The following HMGN5 variants were observed in gnomAD, a reference collection of about 807,000 sequenced individuals.
HMGN5 encodes the protein high mobility group nucleosome binding domain 5.
Under a neutral mutation model 9.5 loss-of-function variants are expected in HMGN5, and 4 were observed. That is an observed-to-expected ratio of 0.42 (90% CI 0.21 to 0.96). The LOEUF (loss-of-function observed/expected upper bound fraction) is 0.96, where lower values mean the gene tolerates loss of function less well. Ranked by LOEUF, HMGN5 falls within the 40% of genes least tolerant of loss-of-function variation. The pLI, the probability that HMGN5 is intolerant of heterozygous loss-of-function variation, is 0.30. For missense variants in HMGN5, 192 were observed against 187.5 expected, an observed-to-expected ratio of 1.02 and a Z score of -0.14; for synonymous variants, 55 against 57.1, an observed-to-expected ratio of 0.96 and a Z score of 0.16.
chrX:81,179,475 C>T (rs1352279770), intron 1 of HMGN5, among the ~76,000 whole-genome samples: 1 of 111,166 alleles, frequency 9.0e-6, no homozygotes, highest in East Asian at 2.8e-4. Flanking sequence ...GAATAAAATA[C>T]CTAGGAATCC....
At chrX:81,196,614 G>A (rs912285625) in intron 1 of HMGN5, among the ~76,000 whole-genome samples, 9 of 109,713 alleles carry the variant, frequency 8.2e-5, no homozygotes, top group African/African-American at 3.0e-4. Flanking sequence ...GTTCAGTGGC[G>A]TGATCTCGGC....
At chrX:81,131,452 G>A (rs1265778975) in intron 1 of HMGN5, among the ~76,000 whole-genome samples, 1 of 111,085 alleles carries the variant, frequency 9.0e-6, no homozygotes, top group Non-Finnish European at 1.9e-5. Flanking sequence ...GATTGAAAAG[G>A]ACTTTATGAG....
intron 1 of HMGN5, among the ~76,000 whole-genome samples, chrX:81,133,801 A>G (rs918500392): frequency 9.1e-6 from 1 of 110,449 alleles, no homozygotes; most frequent in Non-Finnish European, 1.9e-5. Context: ...TCTTCAACAA[A>G]CCTCCATGAC....
At chrX:81,196,449 G>T (rs968260224) in intron 1 of HMGN5, among the ~76,000 whole-genome samples, 1 of 110,884 alleles carries the variant, frequency 9.0e-6, no homozygotes, top group Admixed American at 9.5e-5. Flanking sequence ...GAGACCAGGT[G>T]GGAGGTGACT....
At chrX:81,136,240 A>T (rs2075310872) in intron 1 of HMGN5, among the ~76,000 whole-genome samples, 1 of 112,290 alleles carries the variant, frequency 8.9e-6, no homozygotes, top group Non-Finnish European at 1.9e-5. Context: ...TGAGTGAATT[A>T]TATGGTATCT....
intron 1 of HMGN5, among the ~76,000 whole-genome samples, chrX:81,181,715 C>G (rs1188558139): frequency 9.0e-6 from 1 of 111,614 alleles, no homozygotes; most frequent in Non-Finnish European, 1.9e-5. Context: ...TCTTTCTGTG[C>G]CTGGCTTATT....
chrX:81,167,219 A>G (rs959423881), intron 1 of HMGN5, among the ~76,000 whole-genome samples: 14 of 111,031 alleles, frequency 1.3e-4, no homozygotes, highest in Non-Finnish European at 7.6e-5. Context: ...TTGAAAACTT[A>G]GGACAACCTA....
chrX:81,131,066 C>A (rs1003965473), intron 1 of HMGN5, among the ~76,000 whole-genome samples: 4 of 111,217 alleles, frequency 3.6e-5, no homozygotes, highest in Non-Finnish European at 7.6e-5. Context: ...AATTTTTACC[C>A]ATCCTCAAAA....
chrX:81,133,421 A>G (rs1177788307), intron 1 of HMGN5, among the ~76,000 whole-genome samples: 3 of 111,780 alleles, frequency 2.7e-5, no homozygotes, highest in African/African-American at 9.7e-5. Context: ...TGTTAATTGC[A>G]GCACTATTCA....
rs1388746521 is a variant in HMGN5, at chrX:81,121,612, G to A, written c.-63C>T. On this transcript the variant is annotated 5_prime_UTR_variant, in exon 2 of 7. Transcript: ENST00000358130. ...AAAAAGCCGAAGGCAGTCACTGCCTGACTGCTCCAAGAGCAAATGAGTTTT... is the reference window on the plus strand; with the variant it reads ...AAAAAGCCGAAGGCAGTCACTGCCTAACTGCTCCAAGAGCAAATGAGTTTT... 1 of 894,727 alleles carries A rather than the reference G, an allele frequency of 1.1e-6. No individual in the cohort carries two copies. Among genetic ancestry groups the A allele is most frequent in the Non-Finnish European group, 1.6e-6 (1 of 638,750 alleles). The allele number at this position is 894,727 out of a possible 1,213,427, so 73.7% of individuals were successfully genotyped here. A position where few individuals can be genotyped will look rare whatever the true frequency, so the allele number is the denominator to read the frequency against.
chrX:81,193,406 C>A (rs746924262), intron 1 of HMGN5, among the ~76,000 whole-genome samples: 1 of 112,487 alleles, frequency 8.9e-6, no homozygotes, highest in East Asian at 2.8e-4. Flanking sequence ...TTTTAGCCTG[C>A]AGCCATCAAG....
chrX:81,128,780 A>T (rs1277118853), intron 1 of HMGN5, among the ~76,000 whole-genome samples: 1 of 111,823 alleles, frequency 8.9e-6, no homozygotes, highest in Non-Finnish European at 1.9e-5. Context: ...GTTTATGCTA[A>T]TTTTTGTCAA....
chrX:81,145,180 C>A (rs1418844433), intron 1 of HMGN5, among the ~76,000 whole-genome samples: 3 of 111,163 alleles, frequency 2.7e-5, no homozygotes, highest in Non-Finnish European at 5.7e-5. Flanking sequence ...GAAGAGCAAC[C>A]CCAGATACAT....
At chrX:81,173,779 A>C (rs901038495) in intron 1 of HMGN5, among the ~76,000 whole-genome samples, 3 of 111,951 alleles carry the variant, frequency 2.7e-5, no homozygotes, top group Non-Finnish European at 5.7e-5. Context: ...CATAATGAGC[A>C]CAGTGCCTGG....
chrX:81,149,228 C>G (rs1358868600), intron 1 of HMGN5, among the ~76,000 whole-genome samples: 2 of 111,558 alleles, frequency 1.8e-5, no homozygotes, highest in East Asian at 2.8e-4. Flanking sequence ...GGAACCAACC[C>G]AAATGTCCAC....
At chrX:81,159,105 C>T (rs1202704534) in intron 1 of HMGN5, among the ~76,000 whole-genome samples, 1 of 111,468 alleles carries the variant, frequency 9.0e-6, no homozygotes, top group Non-Finnish European at 1.9e-5. Flanking sequence ...GAGCTGGAAG[C>T]CATTATCCTC....
At chrX:81,154,288 G>T (rs996003772) in intron 1 of HMGN5, among the ~76,000 whole-genome samples, 35 of 111,557 alleles carry the variant, frequency 3.1e-4, no homozygotes, top group African/African-American at 1.0e-3. Context: ...AATATATGGT[G>T]CTGGGAAATC....
chrX:81,157,042 C>T (rs868764916), intron 1 of HMGN5, among the ~76,000 whole-genome samples: 57 of 111,803 alleles, frequency 5.1e-4, no homozygotes, highest in Non-Finnish European at 9.0e-4. Context: ...TAGTGGGTCT[C>T]TCTTGGAAGC....
chrX:81,188,263 ATATTAT>A (rs558790724), intron 1 of HMGN5, among the ~76,000 whole-genome samples: 35,972 of 86,775 alleles, frequency 0.41, 7,157 homozygotes, highest in Non-Finnish European at 0.55. Flanking sequence ...TGTGCACAGA[ATATTAT>A]TATTATTATT....
Sources: gnomAD v4.1 joint callset for allele counts (sites outside exome capture counted in the v4.1 genomes callset) on GRCh38, gnomAD v4.1.1 for gene constraint, MANE v1.5 for transcripts, NCBI Gene and HGNC (gene_info 2026-07-23, HGNC 2026-07-21) for gene names.